Variants in CALCB observed in about 807,000 individuals in gnomAD.
The protein encoded by CALCB is calcitonin gene-related peptide 2.
Under a neutral mutation model 10.7 loss-of-function variants are expected in CALCB, and 8 were observed. The observed-to-expected ratio is 0.75, with a 90% confidence interval of 0.44 to 1.34. The LOEUF (loss-of-function observed/expected upper bound fraction) is 1.34. CALCB is among the 40% of genes most tolerant of loss of function. The probability of loss-of-function intolerance (pLI) is 0.01; values close to 1 mark genes in which losing one functional copy is unlikely to be tolerated. For missense variants in CALCB, 176 were observed against 162.5 expected (o/e 1.08, Z -0.45); for synonymous variants, 76 against 66.9 (o/e 1.14, Z -0.66).
At chr11:15,074,888 G>C in intron 2 of CALCB, 84 bp downstream of exon 2, 1 of 1,411,698 alleles carries the variant, frequency 7.1e-7, no homozygotes, top group East Asian at 2.3e-5. Flanking sequence ...GTCACGCGTG[G>C]CTCCTGGTGA....
At chr11:15,077,498 A>AG in intron 4 of CALCB, 28 bp downstream of exon 4, 1 of 1,603,220 alleles carries the variant, frequency 6.2e-7, no homozygotes, top group Non-Finnish European at 8.5e-7. Flanking sequence ...ATGGGATAAG[A>AG]GGGGGAAGGG....
chr11:15,075,055 C>G lies in CALCB; in HGVS notation c.87-6C>G, dbSNP rs1191827493. ...AGCCTGCAAGGAGTTTGCTTCCCTT[C>G]CACAGGTCTGCCCTGGAGAGCAGCC... On this transcript the variant is annotated splice_region_variant and splice_polypyrimidine_tract_variant and intron_variant, in intron 2 of 4. Transcript: ENST00000324229. The G allele has an allele frequency of 2.5e-6, 4 of 1,614,232 alleles. No homozygotes were observed. The East Asian group carries it at 8.9e-5, about 36-fold the overall frequency.
intron 3 of CALCB, among the ~76,000 whole-genome samples, chr11:15,075,705 G>T (rs1040589792): frequency 4.6e-5 from 7 of 152,156 alleles, no homozygotes; most frequent in Admixed American, 3.3e-4. Context: ...CCCTTGCAGG[G>T]GGTGGGGACA....
At chr11:15,075,712 GA>G (rs1458031463) in intron 3 of CALCB, among the ~76,000 whole-genome samples, 1 of 152,166 alleles carries the variant, frequency 6.6e-6, no homozygotes, top group African/African-American at 2.4e-5. Flanking sequence ...AGGGGGTGGG[GA>G]CAGAGCAGTG....
In CALCB at chr11:15,078,516, G is replaced by A. The variant is rs559029538; in HGVS notation, c.*459G>A. On this transcript the variant is annotated 3_prime_UTR_variant, in exon 5 of 5. Coordinates refer to ENST00000324229, the MANE Select transcript of CALCB (RefSeq NM_000728.4). ...TTGTGCCATTTGTGAACTTCATCAA[G>A]ATTAAAAGCATATTTTGGGTACATT... The A allele has an allele frequency of 1.1e-3, 173 of 152,220 alleles. No homozygotes were observed. The highest frequency in any genetic ancestry group is 4.1e-3 in the African/African-American group (171 of 41,520). The allele number at this position is 152,220 out of a possible 1,614,324, so 9.4% of individuals were successfully genotyped here.
chr11:15,076,346 A>G (rs1385042628), intron 3 of CALCB, among the ~76,000 whole-genome samples: 1 of 152,198 alleles, frequency 6.6e-6, no homozygotes, highest in African/African-American at 2.4e-5. Flanking sequence ...ACCCGACTCC[A>G]GGGTCCCCCA....
intron 3 of CALCB, among the ~76,000 whole-genome samples, chr11:15,076,338 C>T (rs1431988310): frequency 2.0e-5 from 3 of 152,224 alleles, no homozygotes; most frequent in African/African-American, 7.2e-5. Context: ...GGACCACTAC[C>T]CGACTCCAGG....
At chr11:15,074,265 T>C (rs1453355777) in intron 1 of CALCB, among the ~76,000 whole-genome samples, 2 of 152,206 alleles carry the variant, frequency 1.3e-5, no homozygotes, top group East Asian at 3.9e-4. Context: ...GTTCCAAGAC[T>C]GAGAAATGAG....
intron 3 of CALCB, among the ~76,000 whole-genome samples, chr11:15,076,666 A>C (rs1239415114): frequency 1.3e-5 from 2 of 152,212 alleles, no homozygotes; most frequent in African/African-American, 4.8e-5. Flanking sequence ...CATTAGATGA[A>C]TCAATCTATT....
intron 1 of CALCB, among the ~76,000 whole-genome samples, chr11:15,074,387 C>T (rs1850374932): frequency 6.6e-6 from 1 of 152,262 alleles, no homozygotes; most frequent in South Asian, 2.1e-4. Flanking sequence ...TGCGTCCACG[C>T]CTGGTTTAGG....
Position 15,075,178 on chromosome 11 carries a change from G to C in CALCB, c.204G>C (p.Glu68Asp), listed in dbSNP as rs752571197. 1 of 1,614,232 alleles carries C rather than the reference G, an allele frequency of 6.2e-7. No homozygotes were observed. Among genetic ancestry groups the C allele is most frequent in the South Asian group, 1.1e-5 (1 of 91,090 alleles). The change falls in exon 3 of 5, where the codon GAG becomes GAC. Residue 68 changes from glutamate to aspartate, a missense_variant. Physicochemically the swap from Glu to Asp is conservative, Grantham distance 45 (BLOSUM62 2). Transcript: ENST00000324229. ...VQMKASELKQ[E>D]QETQGSSSAA... Reference sequence around the variant, plus strand: ...TGAAGGCCAGTGAGCTGAAGCAGGAGCAGGAGACACAGGGCTCCAGGTGAG... The same window carrying C: ...TGAAGGCCAGTGAGCTGAAGCAGGACCAGGAGACACAGGGCTCCAGGTGAG...
intron 1 of CALCB, 78 bp from the exon 2 acceptor site, chr11:15,074,632 A>C: frequency 9.1e-7 from 1 of 1,098,700 alleles, no homozygotes. Context: ...GCCTAAGGTC[A>C]CATGGCAGTT....
chr11:15,074,884 C>T, intron 2 of CALCB, 80 bp downstream of exon 2: 2 of 1,416,200 alleles, frequency 1.4e-6, no homozygotes, highest in Non-Finnish European at 2.0e-6. Flanking sequence ...TGAAGTCACG[C>T]GTGGCTCCTG....
At chr11:15,077,691 G>C (rs1850408838) in intron 4 of CALCB, among the ~76,000 whole-genome samples, 1 of 152,162 alleles carries the variant, frequency 6.6e-6, no homozygotes, top group African/African-American at 2.4e-5. Flanking sequence ...AAAATAAAAA[G>C]CTTGCTGGAT....
intron 2 of CALCB, 40 bp downstream of exon 2, chr11:15,074,844 T>A: frequency 1.3e-6 from 2 of 1,555,126 alleles, no homozygotes; most frequent in Non-Finnish European, 1.8e-6. Flanking sequence ...CTGCTCCCAC[T>A]GCCCCTAGGA....
intron 3 of CALCB, among the ~76,000 whole-genome samples, chr11:15,075,812 C>G (rs1032314028): frequency 6.6e-6 from 1 of 152,170 alleles, no homozygotes; most frequent in Non-Finnish European, 1.5e-5. Flanking sequence ...TTTCCCAGAC[C>G]CACATCCTTG....
In CALCB at chr11:15,073,597, A is replaced by G. The variant is rs1850367289; in HGVS notation, c.-76A>G. 1 of 152,166 alleles carries G rather than the reference A, an allele frequency of 6.6e-6. No homozygotes were observed. The highest frequency in any genetic ancestry group is 1.5e-5 in the Non-Finnish European group (1 of 68,066). The allele number at this position is 152,166 out of a possible 1,614,324, so 9.4% of individuals were successfully genotyped here. On this transcript the variant is annotated 5_prime_UTR_variant, in exon 1 of 5. Coordinates refer to ENST00000324229, the MANE Select transcript of CALCB (RefSeq NM_000728.4). Reference sequence around the variant, plus strand: ...CGGGGTCTCCGCGGGGAAGGCGCCCACAGCAGGTGTGGTGTTCATCCCGGG... The same window carrying G: ...CGGGGTCTCCGCGGGGAAGGCGCCCGCAGCAGGTGTGGTGTTCATCCCGGG...
chr11:15,077,982 ACTT>A (rs1383301394), intron 4 of CALCB, 98 bp from the exon 5 acceptor site: 2 of 152,142 alleles, frequency 1.3e-5, no homozygotes, highest in Non-Finnish European at 2.9e-5. Context: ...CTTGTCTTCT[ACTT>A]CTTTTTTTCT....
rs762503361 is a variant in CALCB at position 15,077,411 on chromosome 11, C to A, written c.350C>A (p.Ala117Asp). ...NFVPTNVGSKAFGRRRRDLQA is the reference protein window; with the variant it reads ...NFVPTNVGSKDFGRRRRDLQA Reference sequence around the variant, plus strand: ...GTGCCCACCAATGTGGGTTCCAAAGCCTTTGGCAGGCGCCGCAGGGACCTT... The same window carrying A: ...GTGCCCACCAATGTGGGTTCCAAAGACTTTGGCAGGCGCCGCAGGGACCTT... The change falls in exon 4 of 5, where the codon GCC becomes GAC. Residue 117 changes from alanine to aspartate, a missense_variant. By Grantham distance (126) the Ala-to-Asp change is moderately radical (BLOSUM62 -2). Coordinates refer to ENST00000324229, the MANE Select transcript of CALCB (RefSeq NM_000728.4). 8.1e-6 allele frequency: 13 copies of A among 1,614,224 alleles called. No homozygotes were observed. In the South Asian group the frequency reaches 1.2e-4, roughly 15 times the overall value.
Sources: allele counts gnomAD v4.1 joint callset (sites outside exome capture counted in the v4.1 genomes callset), GRCh38; gene constraint gnomAD v4.1.1; transcripts MANE v1.5; gene names NCBI Gene and HGNC (gene_info 2026-07-23, HGNC 2026-07-21).